The following PHACTR3 variants were observed in gnomAD, a reference collection of about 807,000 sequenced individuals.
PHACTR3 encodes the protein protein phosphatase 1, regulatory subunit 123.
PHACTR3 carries 16 observed loss-of-function variants against 66.8 expected under a neutral mutation model. That is an observed-to-expected ratio of 0.24 (90% CI 0.16 to 0.36). PHACTR3 has a LOEUF of 0.36. Ranked by LOEUF, PHACTR3 falls within the 10% of genes least tolerant of loss-of-function variation. The pLI is 1.00. For missense variants in PHACTR3, 647 were observed against 719.9 expected, an observed-to-expected ratio of 0.90 and a Z score of 1.16; for synonymous variants, 323 against 292.1, an observed-to-expected ratio of 1.11 and a Z score of -1.08.
intron 1 of PHACTR3, among the ~76,000 whole-genome samples, chr20:59,614,077 TA>T (rs1369471706): frequency 2.0e-5 from 3 of 152,220 alleles, no homozygotes; most frequent in Non-Finnish European, 4.4e-5. Flanking sequence ...CACATTTATA[TA>T]AAGGGGAAGC....
intron 1 of PHACTR3, 52 bp from the exon 2 acceptor site, chr20:59,743,055 G>C: frequency 6.3e-7 from 1 of 1,579,640 alleles, no homozygotes; most frequent in South Asian, 1.1e-5. Flanking sequence ...GCCCCCAGGA[G>C]TCACATAGGT....
chr20:59,616,029 G>A (rs2034012986), intron 1 of PHACTR3, among the ~76,000 whole-genome samples: 1 of 152,162 alleles, frequency 6.6e-6, no homozygotes, highest in Non-Finnish European at 1.5e-5. Flanking sequence ...GACAAGGTCT[G>A]TGGGGTGCTT....
At chr20:59,743,555 G>A (rs1393293035) in intron 2 of PHACTR3, among the ~76,000 whole-genome samples, 1 of 152,196 alleles carries the variant, frequency 6.6e-6, no homozygotes, top group Admixed American at 6.5e-5. Flanking sequence ...TGTTAAAAAC[G>A]AAGCCTCTGA....
At chr20:59,780,867 G>A (rs2040701444) in intron 7 of PHACTR3, among the ~76,000 whole-genome samples, 1 of 152,202 alleles carries the variant, frequency 6.6e-6, no homozygotes, top group Non-Finnish European at 1.5e-5. Flanking sequence ...AAGTTCTTAT[G>A]AAGGTCAACA....
At chr20:59,686,581 G>T (rs916906782) in intron 1 of PHACTR3, among the ~76,000 whole-genome samples, 25 of 151,162 alleles carry the variant, frequency 1.7e-4, no homozygotes, top group African/African-American at 5.6e-4. Flanking sequence ...CGTGATGATT[G>T]TGATGATGAT....
chr20:59,642,266 A>C (rs1404838281), intron 1 of PHACTR3, among the ~76,000 whole-genome samples: 4 of 151,894 alleles, frequency 2.6e-5, no homozygotes, highest in African/African-American at 7.3e-5. Flanking sequence ...GTGGATAATT[A>C]GTTATTTGCT....
chr20:59,642,930 G>C (rs980407864), intron 1 of PHACTR3, among the ~76,000 whole-genome samples: 3 of 151,952 alleles, frequency 2.0e-5, no homozygotes, highest in African/African-American at 7.3e-5. Context: ...GTTTGTTTTT[G>C]AGACAGAGTC....
chr20:59,641,659 A>G (rs1220323450), intron 1 of PHACTR3, among the ~76,000 whole-genome samples: 1 of 152,180 alleles, frequency 6.6e-6, no homozygotes, highest in Non-Finnish European at 1.5e-5. Flanking sequence ...TGTTTCACCA[A>G]ATGTGTGGGC....
At chr20:59,798,725 T>C (rs978321839) in intron 7 of PHACTR3, among the ~76,000 whole-genome samples, 3 of 152,148 alleles carry the variant, frequency 2.0e-5, no homozygotes, top group Non-Finnish European at 4.4e-5. Context: ...GTTTCTGATA[T>C]AGGTAATTTG....
At chr20:59,781,193 G>A (rs182987304) in intron 7 of PHACTR3, among the ~76,000 whole-genome samples, 1 of 152,348 alleles carries the variant, frequency 6.6e-6, no homozygotes, top group African/African-American at 2.4e-5. Flanking sequence ...ACATGTGTTT[G>A]TGTAACTGGC....
At chr20:59,787,360 G>A (rs1431451867) in intron 7 of PHACTR3, among the ~76,000 whole-genome samples, 5 of 152,206 alleles carry the variant, frequency 3.3e-5, no homozygotes, top group African/African-American at 1.2e-4. Flanking sequence ...TCCAGAGGAG[G>A]AGCAGAGGTG....
At chr20:59,682,278 T>G (rs908338244) in intron 1 of PHACTR3, among the ~76,000 whole-genome samples, 3 of 152,178 alleles carry the variant, frequency 2.0e-5, no homozygotes, top group African/African-American at 7.2e-5. Context: ...AGGCAGAGGT[T>G]GCAGTGAGCC....
At chr20:59,813,671 G>A (rs144981522) in intron 8 of PHACTR3, among the ~76,000 whole-genome samples, 8 of 152,232 alleles carry the variant, frequency 5.3e-5, no homozygotes, top group Non-Finnish European at 1.0e-4. Flanking sequence ...GTGAGAGCTC[G>A]AAGGTGGGAA....
At chr20:59,616,126 C>T (rs1017621102) in intron 1 of PHACTR3, among the ~76,000 whole-genome samples, 1 of 152,090 alleles carries the variant, frequency 6.6e-6, no homozygotes, top group East Asian at 1.9e-4. Flanking sequence ...CCACAGTTTT[C>T]CCATCTGCAG....
At chr20:59,658,375 C>G (rs993892999) in intron 1 of PHACTR3, among the ~76,000 whole-genome samples, 3 of 151,452 alleles carry the variant, frequency 2.0e-5, no homozygotes, top group African/African-American at 7.3e-5. Context: ...TTTATACATA[C>G]TAGATTTTTT....
At chr20:59,663,113 C>T (rs372685965) in intron 1 of PHACTR3, among the ~76,000 whole-genome samples, 6 of 152,232 alleles carry the variant, frequency 3.9e-5, no homozygotes, top group East Asian at 3.9e-4. Context: ...AGCCTCTGGG[C>T]GCCTTCACGT....
At chr20:59,585,701 C>T (rs956863524) in intron 1 of PHACTR3, among the ~76,000 whole-genome samples, 3 of 152,110 alleles carry the variant, frequency 2.0e-5, no homozygotes, top group Non-Finnish European at 2.9e-5. Flanking sequence ...GATGGGGAGG[C>T]GATGGTGGGG....
intron 6 of PHACTR3, among the ~76,000 whole-genome samples, chr20:59,774,005 AT>A (rs1198058163): frequency 6.6e-6 from 1 of 152,224 alleles, no homozygotes; most frequent in Non-Finnish European, 1.5e-5. Flanking sequence ...GATTGCATGT[AT>A]TTTGGCAGGT....
At chr20:59,692,326 C>T (rs775451155) in intron 1 of PHACTR3, among the ~76,000 whole-genome samples, 5 of 152,224 alleles carry the variant, frequency 3.3e-5, no homozygotes, top group Non-Finnish European at 7.3e-5. Flanking sequence ...ACCCGTGGTT[C>T]AGCTCTGGAG....
Sources: gnomAD v4.1 joint callset for allele counts (sites outside exome capture counted in the v4.1 genomes callset) on GRCh38, gnomAD v4.1.1 for gene constraint, MANE v1.5 for transcripts, NCBI Gene and HGNC (gene_info 2026-07-23, HGNC 2026-07-21) for gene names.